GABPB2: variants seen among roughly 807,000 people sequenced by gnomAD.
GABPB2 encodes the protein GA binding protein transcription factor subunit beta 2, also known as GA-binding protein subunit beta-2.
GABPB2 carries 23 observed loss-of-function variants against 39.1 expected under a neutral mutation model. The observed-to-expected ratio is 0.59, with a 90% CI of 0.42 to 0.83. GABPB2 has a LOEUF of 0.83. Ranked by LOEUF, GABPB2 falls within the 40% of genes least tolerant of loss-of-function variation. GABPB2 has a pLI of 0.00. For synonymous variants in GABPB2, 184 were observed against 199.3 expected, an observed-to-expected ratio of 0.92 and a Z score of 0.65; for missense variants, 467 against 541.1, an observed-to-expected ratio of 0.86 and a Z score of 1.36.
intron 5 of GABPB2, 24 bp from the exon 6 acceptor site, chr1:151,103,538 C>T: frequency 6.6e-7 from 1 of 1,515,508 alleles, no homozygotes; most frequent in Non-Finnish European, 9.2e-7. Context: ...CATTGGACCT[C>T]ATTTGTCTTT....
chr1:151,086,748 A>G (rs1051519214), intron 1 of GABPB2, among the ~76,000 whole-genome samples: 1 of 151,728 alleles, frequency 6.6e-6, no homozygotes, highest in African/African-American at 2.4e-5. Context: ...GCTCACTGCA[A>G]CCTCCACCTC....
intron 1 of GABPB2, among the ~76,000 whole-genome samples, chr1:151,083,291 C>G (rs1253148809): frequency 1.3e-5 from 2 of 152,180 alleles, no homozygotes. Context: ...TTCCAAAATT[C>G]TAATTTTTGC....
intron 1 of GABPB2, among the ~76,000 whole-genome samples, chr1:151,075,878 G>C (rs1296035747): frequency 1.3e-5 from 2 of 152,062 alleles, no homozygotes; most frequent in Non-Finnish European, 1.5e-5. Context: ...CCTTTTATTA[G>C]AGAACCCTTA....
Position 151,071,453 on chromosome 1 carries a change from C to CTTTTTTTTTTT in GABPB2, c.-1+525_-1+535dup, listed in dbSNP as rs71090124. Among the ~76,000 whole-genome samples, 4 of 100,504 alleles carry CTTTTTTTTTTT rather than the reference C, an allele frequency of 4.0e-5. 1 individual carries two copies. Among genetic ancestry groups the CTTTTTTTTTTT allele is most frequent in the South Asian group, 3.4e-4 (1 of 2,938 alleles). 65.9% of individuals were successfully genotyped at this position (100,504 alleles called of 152,430 possible). The stretch of plus-strand genomic sequence containing the variant: ...CGGGCCCCGCCTCTGCTTTTTTGCT[C>CTTTTTTTTTTT]TTTTTTTTTTTTTTTTCAAAACTGA... On this transcript the variant is annotated intron_variant, in intron 1 of 8. Coordinates refer to ENST00000368918, the MANE Select transcript of GABPB2 (RefSeq NM_144618.3).
At chr1:151,103,455 T>G (rs936924078) in intron 5 of GABPB2, 107 bp from the exon 6 acceptor site, 5 of 685,470 alleles carry the variant, frequency 7.3e-6, no homozygotes, top group South Asian at 3.8e-5. Flanking sequence ...AGAACAAGAT[T>G]GAGGACATTA....
chr1:151,109,045 A>T (rs1244102136), intron 7 of GABPB2, among the ~76,000 whole-genome samples: 1 of 151,870 alleles, frequency 6.6e-6, no homozygotes, highest in African/African-American at 2.4e-5. Context: ...TTTAAAAAAT[A>T]GCCTGGTTGA....
chr1:151,099,590 T>C (rs1259880729), intron 5 of GABPB2, among the ~76,000 whole-genome samples: 1 of 152,206 alleles, frequency 6.6e-6, no homozygotes, highest in Non-Finnish European at 1.5e-5. Flanking sequence ...ATTGGTTTCT[T>C]TTTCTGTTTC....
chr1:151,077,784 C>A (rs1258243736), intron 1 of GABPB2, among the ~76,000 whole-genome samples: 1 of 150,804 alleles, frequency 6.6e-6, no homozygotes, highest in Non-Finnish European at 1.5e-5. Flanking sequence ...AACCCTGTCT[C>A]TACTAAAAAT....
chr1:151,107,160 C>G lies in GABPB2; in HGVS notation c.860C>G (p.Thr287Ser), dbSNP rs1558153987. Residue 287 changes from threonine (T) to serine (S), a missense_variant, in exon 7 of 9, where the codon ACT becomes AGT. Thr to Ser is a moderately conservative substitution (Grantham distance 58). Coordinates refer to ENST00000368918, the MANE Select transcript of GABPB2 (RefSeq NM_144618.3). Reference sequence around the variant, plus strand: ...GGAGTCCCTCTGGGTAATATCCAAACTTCAATCCCTACTGGAGGCATTGGC... The same window carrying G: ...GGAGTCCCTCTGGGTAATATCCAAAGTTCAATCCCTACTGGAGGCATTGGC... ...TDGVPLGNIQ[T>S]SIPTGGIGQP... is the part of the protein sequence containing the mutation. 6.2e-7 allele frequency: 1 copy of G among 1,612,842 alleles called. No individual in the cohort carries two copies. The highest frequency in any genetic ancestry group is 8.5e-7 in the Non-Finnish European group (1 of 1,179,554).
chr1:151,107,106 G>T lies in GABPB2; in HGVS notation c.806G>T (p.Gly269Val). 1.9e-6 allele frequency: 3 copies of T among 1,612,786 alleles called. No individual in the cohort carries two copies. The highest frequency in any genetic ancestry group is 2.2e-5 in the East Asian group (1 of 44,826). The change falls in exon 7 of 9, where the codon GGC (glycine) becomes GTC (valine). Residue 269 changes from glycine (G) to valine (V), a missense_variant. By Grantham distance (109) the Gly-to-Val change is moderately radical (BLOSUM62 -3). Transcript: ENST00000368918. ...ATCCAGCAAGTAATGGGGAGTGGAG[G>T]CCAGAGGGTCATCACCATAGTGACT... is the stretch of plus-strand genomic sequence containing the variant. ...SSIQQVMGSG[G>V]QRVITIVTDG...
chr1:151,114,671 TGGAGACAGA>T (rs1680720049), intron 7 of GABPB2, among the ~76,000 whole-genome samples: 1 of 148,498 alleles, frequency 6.7e-6, no homozygotes. Flanking sequence ...GTACTCCACC[TGGAGACAGA>T]GCGAGACTCT....
Position 151,112,087 on chromosome 1 carries a change from G to C in GABPB2, c.922+4865G>C, listed in dbSNP as rs180923158. ...AAAATACCAAAAATTAGCTGGGCGT[G>C]GTGGTGGGCGCCCGTAGTCCCAGCT... On this transcript the variant is annotated intron_variant, in intron 7 of 8. Coordinates refer to ENST00000368918, the MANE Select transcript of GABPB2 (RefSeq NM_144618.3). 2.8e-3 allele frequency among the ~76,000 whole-genome samples: 412 copies of C among 148,672 alleles called. 3 individuals carry two copies. Among genetic ancestry groups the C allele is most frequent in the African/African-American group, 9.5e-3 (389 of 40,764 alleles).
At position 151,109,364 on chromosome 1, in the gene GABPB2, A is replaced by ATATATTTTT. The variant is rs779537595; in HGVS notation, c.922+2143_922+2144insATATTTTTT. Among the ~76,000 whole-genome samples, 121 of 112,372 alleles carry ATATATTTTT rather than the reference A, an allele frequency of 1.1e-3. 2 individuals carry two copies. In the East Asian group the frequency reaches 0.014, roughly 13 times the overall value. 73.7% of individuals were successfully genotyped at this position (112,372 alleles called of 152,430 possible). ...CACAAATATATATATATATATATAT[A>ATATATTTTT]TTTTTTTTTTTGAGTCAGAATCTTG... On this transcript the variant is annotated intron_variant, in intron 7 of 8. Coordinates refer to ENST00000368918, the MANE Select transcript of GABPB2 (RefSeq NM_144618.3).
intron 3 of GABPB2, among the ~76,000 whole-genome samples, chr1:151,091,219 C>G (rs961997842): frequency 1.4e-5 from 2 of 146,648 alleles, no homozygotes; most frequent in Non-Finnish European, 3.0e-5. Context: ...TCCCGAGTAG[C>G]TGGGATTACA....
In GABPB2 at chr1:151,118,592, T is replaced by C. The variant is rs1369982171; in HGVS notation, c.*336T>C. 3 of 208,492 alleles carry C rather than the reference T, an allele frequency of 1.4e-5. No homozygotes were observed. The highest frequency in any genetic ancestry group is 1.9e-5 in the Non-Finnish European group (2 of 102,672). 12.9% of individuals were successfully genotyped at this position (208,492 alleles called of 1,614,324 possible). A position where few individuals can be genotyped will look rare whatever the true frequency, so the allele number is the denominator to read the frequency against. Reference sequence around the variant, plus strand: ...CTCACAAAAGATTTTAAGATAACATTTCTAATATATATGCACCAATATATA... The same window carrying C: ...CTCACAAAAGATTTTAAGATAACATCTCTAATATATATGCACCAATATATA... On this transcript the variant is annotated 3_prime_UTR_variant, in exon 9 of 9. Transcript: ENST00000368918.
chr1:151,088,251 A>C lies in GABPB2; in HGVS notation c.62A>C (p.Glu21Ala). ...GCAGCAAGAAAAGGCCAAGATGATGAAGTGAGAACGTTGATGGCAAATGGC... is the reference window on the plus strand; with the variant it reads ...GCAGCAAGAAAAGGCCAAGATGATGCAGTGAGAACGTTGATGGCAAATGGC... ...LEAARKGQDD[E>A]VRTLMANGAP... Residue 21 changes from glutamate (E) to alanine (A), a missense_variant, in exon 2 of 9, where the codon GAA (glutamate) becomes GCA (alanine). Glu to Ala is a moderately radical substitution (Grantham distance 107). Coordinates refer to ENST00000368918, the MANE Select transcript of GABPB2 (RefSeq NM_144618.3). The C allele has an allele frequency of 6.2e-7, 1 of 1,614,048 alleles. No homozygotes were observed.
Position 151,118,434 on chromosome 1 carries a change from T to C in GABPB2, c.*178T>C. ...CAACTAGAAAATTCAAAGCCATATT[T>C]AGGGAACATTTTTTCTGAGGGGCCA... On this transcript the variant is annotated 3_prime_UTR_variant, in exon 9 of 9. Transcript: ENST00000368918. 1.8e-6 allele frequency: 1 copy of C among 566,564 alleles called. No individual in the cohort carries two copies. Among genetic ancestry groups the C allele is most frequent in the East Asian group, 2.9e-5 (1 of 34,256 alleles). 35.1% of individuals were successfully genotyped at this position (566,564 alleles called of 1,614,324 possible).
intron 1 of GABPB2, among the ~76,000 whole-genome samples, chr1:151,074,598 C>T (rs192154232): frequency 0.011 from 1,632 of 151,874 alleles, 41 homozygotes; most frequent in African/African-American, 0.038. Context: ...GGATTACAGG[C>T]GTGAGCCACC....
At chr1:151,088,654 T>C in intron 2 of GABPB2, 1 of 285,878 alleles carries the variant, frequency 3.5e-6, no homozygotes, top group South Asian at 3.2e-5. Context: ...AAGAATGCAT[T>C]CCTAGACTAA....
Sources: gnomAD v4.1 joint callset for allele counts (sites outside exome capture counted in the v4.1 genomes callset) on GRCh38, gnomAD v4.1.1 for gene constraint, MANE v1.5 for transcripts, NCBI Gene and HGNC (gene_info 2026-07-23, HGNC 2026-07-21) for gene names.